The following WDHD1 variants were observed in gnomAD, a reference collection of about 807,000 sequenced individuals.
WDHD1 encodes WD repeat and HMG-box DNA-binding protein 1.
A neutral mutation model predicts 135.4 loss-of-function variants in WDHD1; 111 were observed. The observed-to-expected ratio is 0.82, with a 90% confidence interval of 0.70 to 0.96. The LOEUF (loss-of-function observed/expected upper bound fraction) is 0.96. Ranked by LOEUF, WDHD1 falls within the 40% of genes least tolerant of loss-of-function variation. WDHD1 has a pLI of 0.00. For missense variants in WDHD1, 1,351 were observed against 1,336.3 expected, an observed-to-expected ratio of 1.01 and a Z score of -0.17; for synonymous variants, 434 against 439.0, an observed-to-expected ratio of 0.99 and a Z score of 0.14.
At chr14:54,955,816 A>G in intron 23 of WDHD1, 122 bp from the exon 24 acceptor site, 18 of 933,692 alleles carry the variant, frequency 1.9e-5, no homozygotes, top group Non-Finnish European at 2.5e-5. Flanking sequence ...CTAACATGTG[A>G]AATCTGGAGT....
intron 2 of WDHD1, among the ~76,000 whole-genome samples, chr14:55,025,406 T>G (rs1057238033): frequency 6.9e-6 from 1 of 145,682 alleles, no homozygotes; most frequent in Non-Finnish European, 1.5e-5. Flanking sequence ...CCTTATTTCT[T>G]TCTCTATACT....
chr14:54,952,069 T>G (rs909753196), intron 24 of WDHD1, among the ~76,000 whole-genome samples: 4 of 152,194 alleles, frequency 2.6e-5, no homozygotes, highest in Admixed American at 6.5e-5. Context: ...GCATTCCCTT[T>G]GAAAACTGGC....
At chr14:55,021,207 T>C (rs1041426003) in intron 2 of WDHD1, among the ~76,000 whole-genome samples, 5 of 152,232 alleles carry the variant, frequency 3.3e-5, no homozygotes, top group Non-Finnish European at 7.3e-5. Flanking sequence ...GCTCATAACA[T>C]AGAAGGGTCT....
chr14:54,963,725 G>A (rs140633854), intron 18 of WDHD1, among the ~76,000 whole-genome samples: 1,732 of 149,956 alleles, frequency 0.012, 14 homozygotes, highest in Non-Finnish European at 0.018. Context: ...GCTTGAACCC[G>A]GGAGGTGGAG....
At chr14:54,973,542 C>T (rs2041474557) in intron 16 of WDHD1, among the ~76,000 whole-genome samples, 1 of 152,104 alleles carries the variant, frequency 6.6e-6, no homozygotes, top group African/African-American at 2.4e-5. Context: ...GTTTTCACCA[C>T]ACAGTATGAG....
intron 21 of WDHD1, among the ~76,000 whole-genome samples, 166 bp from the exon 22 acceptor site, chr14:54,957,801 A>C (rs1250258481): frequency 6.6e-6 from 1 of 152,244 alleles, no homozygotes; most frequent in Non-Finnish European, 1.5e-5. Flanking sequence ...CTTCTAAGCC[A>C]AAATAAAAGC....
At chr14:54,970,755 A>T (rs2041418856) in intron 16 of WDHD1, among the ~76,000 whole-genome samples, 1 of 152,204 alleles carries the variant, frequency 6.6e-6, no homozygotes, top group Non-Finnish European at 1.5e-5. Flanking sequence ...TCTAAAATTC[A>T]TATGGAACCA....
intron 14 of WDHD1, 57 bp from the exon 15 acceptor site, chr14:54,984,917 G>A (rs2140194212): frequency 1.3e-6 from 2 of 1,577,030 alleles, no homozygotes; most frequent in Non-Finnish European, 1.7e-6. Flanking sequence ...CTATAACGCA[G>A]TCTAAATTAT....
intron 25 of WDHD1, among the ~76,000 whole-genome samples, chr14:54,942,671 C>G (rs2040858355): frequency 6.6e-6 from 1 of 152,166 alleles, no homozygotes; most frequent in African/African-American, 2.4e-5. Context: ...ATTCACTCAG[C>G]AAGAGCCAGA....
At position 54,962,737 on chromosome 14, in the gene WDHD1, C is replaced by T. The variant is rs1196760336; in HGVS notation, c.2647+1G>A. 1.9e-6 allele frequency: 3 copies of T among 1,613,554 alleles called. No individual in the cohort carries two copies. Among genetic ancestry groups the T allele is most frequent in the East Asian group, 2.2e-5 (1 of 44,864 alleles). On this transcript the variant is annotated splice_donor_variant, in intron 20 of 25. Transcript: ENST00000360586. LOFTEE classifies it high-confidence loss of function. ...TTTATGGGCTTGAAAATGTATCTCA[C>T]CAGGCTTATGTATTTCTGGTTTTTC...
At chr14:54,999,338 G>C (rs1360344131) in intron 10 of WDHD1, among the ~76,000 whole-genome samples, 3 of 152,180 alleles carry the variant, frequency 2.0e-5, no homozygotes, top group Non-Finnish European at 4.4e-5. Flanking sequence ...CTGCCAGAAT[G>C]CATGTGAAGA....
At chr14:54,998,000 T>C (rs375070885) in intron 10 of WDHD1, among the ~76,000 whole-genome samples, 232 of 150,634 alleles carry the variant, frequency 1.5e-3, no homozygotes, top group African/African-American at 5.5e-3. Flanking sequence ...TCACCTGAGG[T>C]CAGGAATTCA....
At chr14:55,010,568 T>C in intron 3 of WDHD1, 108 bp from the exon 4 acceptor site, 1 of 977,528 alleles carries the variant, frequency 1.0e-6, no homozygotes, top group East Asian at 3.1e-5. Flanking sequence ...AAAAATCTAG[T>C]TCATATCAAG....
At chr14:55,002,306 G>A (rs1247316642) in intron 7 of WDHD1, 121 bp from the exon 8 acceptor site, 7 of 715,088 alleles carry the variant, frequency 9.8e-6, no homozygotes, top group East Asian at 2.8e-5. Flanking sequence ...AGTTTTTATT[G>A]TTTCTGTTTT....
intron 2 of WDHD1, among the ~76,000 whole-genome samples, chr14:55,018,143 A>C (rs1253070646): frequency 6.6e-6 from 1 of 152,152 alleles, no homozygotes; most frequent in Non-Finnish European, 1.5e-5. Context: ...AAACAACCTA[A>C]GTGTCCTACT....
intron 15 of WDHD1, among the ~76,000 whole-genome samples, chr14:54,984,453 C>T (rs1447046317): frequency 1.3e-5 from 2 of 152,090 alleles, no homozygotes; most frequent in Non-Finnish European, 2.9e-5. Flanking sequence ...CGAGATCATG[C>T]CACTGCACTC....
rs2041670228 is a variant in WDHD1 at position 54,984,738 on chromosome 14, C to T, written c.1891G>A (p.Gly631Arg). Residue 631 changes from glycine (G) to arginine (R), a missense_variant, in exon 15 of 26, where the codon GGG becomes AGG. Gly to Arg is a moderately radical substitution (Grantham distance 125). This residue lies in a region of WDHD1 where 1,330 missense variants were observed against 1,296.1 expected (regional missense o/e 1.03). Coordinates refer to ENST00000360586, the MANE Select transcript of WDHD1 (RefSeq NM_007086.4). ...LTRKSYLAWI[G>R]FSAEGTPCYV... is the part of the protein sequence containing the mutation. ...TTTATCTTGCCTTCAGCTGAAAACC[C>T]AATCCATGCAAGGTAGGATTTCCTT... 1.9e-6 allele frequency: 3 copies of T among 1,607,080 alleles called. No homozygotes were observed. Among genetic ancestry groups the T allele is most frequent in the African/African-American group, 2.7e-5 (2 of 74,638 alleles).
intron 21 of WDHD1, among the ~76,000 whole-genome samples, chr14:54,961,581 C>A (rs1192701803): frequency 1.3e-5 from 2 of 152,320 alleles, no homozygotes; most frequent in East Asian, 3.9e-4. Flanking sequence ...CTGCTGTAAA[C>A]ACTCCATGAG....
At chr14:54,957,783 C>T (rs893540609) in intron 21 of WDHD1, 148 bp from the exon 22 acceptor site, 1 of 633,226 alleles carries the variant, frequency 1.6e-6, no homozygotes, top group Non-Finnish European at 2.7e-6. Flanking sequence ...CAGATATCCT[C>T]TTTCCTACTT....
Sources: allele counts gnomAD v4.1 joint callset (sites outside exome capture counted in the v4.1 genomes callset), GRCh38; gene constraint gnomAD v4.1.1; regional missense constraint gnomAD v4.1.1; transcripts MANE v1.5; gene names NCBI Gene and HGNC (gene_info 2026-07-23, HGNC 2026-07-21).